The following MSRA variants were observed in gnomAD, a reference collection of about 807,000 sequenced individuals.
MSRA encodes the protein mitochondrial peptide methionine sulfoxide reductase.
MSRA carries 54 observed loss-of-function variants against 31.3 expected under a neutral mutation model. The observed-to-expected ratio is 1.73, with a 90% CI of 1.39 to 2.17. MSRA has a LOEUF of 2.17. MSRA is among the 30% of genes most tolerant of loss of function. The pLI is 0.00. For missense variants in MSRA, 507 were observed against 300.9 expected (o/e 1.69, Z -5.07); for synonymous variants, 169 against 116.5 (o/e 1.45, Z -2.90).
intron 1 of MSRA, among the ~76,000 whole-genome samples, chr8:10,167,957 T>A (rs934778611): frequency 2.0e-5 from 3 of 152,116 alleles, no homozygotes; most frequent in Non-Finnish European, 4.4e-5. Context: ...TGGCCAGGAA[T>A]GGAGAAGCTC....
intron 2 of MSRA, among the ~76,000 whole-genome samples, chr8:10,223,264 T>A (rs1233460875): frequency 6.6e-6 from 1 of 152,174 alleles, no homozygotes; most frequent in Non-Finnish European, 1.5e-5. Context: ...TTGGATCTCA[T>A]ACAAAATGGG....
At chr8:10,417,453 C>T (rs1251256101) in intron 5 of MSRA, among the ~76,000 whole-genome samples, 3 of 149,732 alleles carry the variant, frequency 2.0e-5, no homozygotes, top group African/African-American at 2.5e-5. Context: ...CACATACGCA[C>T]ACTCCATGTA....
intron 1 of MSRA, among the ~76,000 whole-genome samples, chr8:10,088,801 G>C (rs1182931852): frequency 3.3e-5 from 5 of 152,148 alleles, no homozygotes; most frequent in Non-Finnish European, 7.3e-5. Flanking sequence ...TGGAATACTA[G>C]CCTTAAGAAA....
chr8:10,261,314 A>G (rs1585303066), intron 3 of MSRA, among the ~76,000 whole-genome samples: 1 of 151,180 alleles, frequency 6.6e-6, no homozygotes, highest in Admixed American at 6.6e-5. Flanking sequence ...GAAAGTCACT[A>G]TGCTAGGGAC....
At position 10,054,634 on chromosome 8, in the gene MSRA, C is replaced by A; in HGVS notation, c.118C>A (p.Arg40=). The part of the protein sequence containing the change: ...IVSPQEALPG[R]KEQTPVAAKH... Reference sequence around the variant, plus strand: ...CAGCCCCCAGGAGGCCTTGCCGGGCCGGAAGGAACAGACCCCTGTAGCGGG... The same window carrying A: ...CAGCCCCCAGGAGGCCTTGCCGGGCAGGAAGGAACAGACCCCTGTAGCGGG... The change falls in exon 1 of 6, where the codon CGG becomes AGG. Residue 40 remains arginine (R), a synonymous_variant. Coordinates refer to ENST00000317173, the MANE Select transcript of MSRA (RefSeq NM_012331.5). 1.3e-6 allele frequency: 2 copies of A among 1,576,052 alleles called. No homozygotes were observed. The highest frequency in any genetic ancestry group is 2.5e-5 in the East Asian group (1 of 39,632).
rs1382228570 is a variant in MSRA, at chr8:10,245,223, G to A, written c.331G>A (p.Glu111Lys). Residue 111 changes from glutamate (E) to lysine (K), a missense_variant and splice_region_variant, in exon 3 of 6, where the codon GAA becomes AAA. Physicochemically the swap from Glu to Lys is moderately conservative, Grantham distance 56. Transcript: ENST00000317173. ...SNPTYKEVCS[E>K]KTGHAEVVRV... ...TCCTACTTATAAAGAAGTCTGCTCAGGTAGGAAGAATTTGCTTTATTGTAT... is the reference window on the plus strand; with the variant it reads ...TCCTACTTATAAAGAAGTCTGCTCAAGTAGGAAGAATTTGCTTTATTGTAT... 4 of 1,612,420 alleles carry A rather than the reference G, an allele frequency of 2.5e-6. No individual in the cohort carries two copies. The highest frequency in any genetic ancestry group is 1.3e-5 in the African/African-American group (1 of 74,870).
intron 5 of MSRA, among the ~76,000 whole-genome samples, chr8:10,323,357 T>C (rs1262107576): frequency 6.6e-6 from 1 of 152,216 alleles, no homozygotes; most frequent in African/African-American, 2.4e-5. Flanking sequence ...CGTAGTTCTC[T>C]AGGGTACCAA....
chr8:10,364,003 G>T (rs763960401), intron 5 of MSRA, among the ~76,000 whole-genome samples: 2 of 152,284 alleles, frequency 1.3e-5, no homozygotes, highest in East Asian at 1.9e-4. Context: ...GTAGGGGTCA[G>T]AGAGAACTGT....
chr8:10,312,004 C>T (rs1003320949), intron 4 of MSRA, among the ~76,000 whole-genome samples: 1 of 152,150 alleles, frequency 6.6e-6, no homozygotes, highest in African/African-American at 2.4e-5. Flanking sequence ...AATTAAAATA[C>T]TGTATGTTAA....
At chr8:10,223,059 C>T (rs988400576) in intron 2 of MSRA, among the ~76,000 whole-genome samples, 9 of 152,126 alleles carry the variant, frequency 5.9e-5, no homozygotes, top group East Asian at 1.9e-4. Context: ...CAATACATCA[C>T]GTTTTACACC....
intron 1 of MSRA, among the ~76,000 whole-genome samples, chr8:10,081,741 C>T (rs979198643): frequency 6.6e-5 from 10 of 152,110 alleles, no homozygotes; most frequent in South Asian, 2.1e-4. Context: ...CTGCCTGCCT[C>T]GGCCTCCCAA....
At chr8:10,099,826 C>G (rs1799417207) in intron 1 of MSRA, among the ~76,000 whole-genome samples, 1 of 152,208 alleles carries the variant, frequency 6.6e-6, no homozygotes. Flanking sequence ...CACCGGCTTT[C>G]TCTCTGGCCA....
chr8:10,398,334 C>A (rs1283763086), intron 5 of MSRA, among the ~76,000 whole-genome samples: 1 of 152,196 alleles, frequency 6.6e-6, no homozygotes, highest in Non-Finnish European at 1.5e-5. Flanking sequence ...GTAATTCCAC[C>A]CACTGGTCCT....
At chr8:10,089,791 G>A (rs993989365) in intron 1 of MSRA, among the ~76,000 whole-genome samples, 2 of 152,176 alleles carry the variant, frequency 1.3e-5, no homozygotes, top group Non-Finnish European at 2.9e-5. Flanking sequence ...CCCAAGGGGC[G>A]TCCTGGCTTT....
At chr8:10,236,404 C>T (rs1253689544) in intron 2 of MSRA, among the ~76,000 whole-genome samples, 2 of 152,186 alleles carry the variant, frequency 1.3e-5, no homozygotes, top group Non-Finnish European at 2.9e-5. Context: ...TCTACTCTTT[C>T]TGGCTGTATG....
At chr8:10,242,011 C>T (rs143167703) in intron 2 of MSRA, among the ~76,000 whole-genome samples, 1 of 152,172 alleles carries the variant, frequency 6.6e-6, no homozygotes, top group Non-Finnish European at 1.5e-5. Flanking sequence ...GTGGCTCACG[C>T]CTGTAATCCC....
chr8:10,253,606 TAGAA>T (rs1310240751), intron 3 of MSRA, among the ~76,000 whole-genome samples: 4 of 152,212 alleles, frequency 2.6e-5, no homozygotes, highest in East Asian at 3.8e-4. Flanking sequence ...CTCAAAGACT[TAGAA>T]GGGAGATTAA....
intron 3 of MSRA, among the ~76,000 whole-genome samples, chr8:10,294,874 G>A (rs779138204): frequency 6.6e-6 from 1 of 152,118 alleles, no homozygotes; most frequent in Non-Finnish European, 1.5e-5. Context: ...TGGGAGGGGT[G>A]GGGGCGGGGG....
intron 1 of MSRA, among the ~76,000 whole-genome samples, chr8:10,182,469 A>T (rs940155600): frequency 6.6e-6 from 1 of 152,208 alleles, no homozygotes; most frequent in African/African-American, 2.4e-5. Flanking sequence ...AAGATGTTAG[A>T]TAAGGTGGAG....
Sources: gnomAD v4.1 joint callset for allele counts (sites outside exome capture counted in the v4.1 genomes callset) on GRCh38, gnomAD v4.1.1 for gene constraint, MANE v1.5 for transcripts, NCBI Gene and HGNC (gene_info 2026-07-23, HGNC 2026-07-21) for gene names.